POGZ: variants seen among roughly 807,000 people sequenced by gnomAD.
The protein encoded by POGZ is pogo transposable element derived with ZNF domain.
POGZ carries 17 observed loss-of-function variants against 134.6 expected under a neutral mutation model. That is an observed-to-expected ratio of 0.13 (90% CI 0.09 to 0.19). POGZ has a LOEUF of 0.19. Among genes scored for constraint, POGZ ranks in the 10% least tolerant of loss-of-function variants. POGZ has a pLI of 1.00. For missense variants in POGZ, 1,306 were observed against 1,769.7 expected, an observed-to-expected ratio of 0.74 and a Z score of 4.70; for synonymous variants, 693 against 657.1, an observed-to-expected ratio of 1.05 and a Z score of -0.84.
At position 151,403,618 on chromosome 1, in the gene POGZ, AAAAT is replaced by A. The variant is rs1315693223; in HGVS notation, c.*1180_*1183del. The A allele has an allele frequency of 6.8e-5, 67 of 985,698 alleles. No homozygotes were observed. The highest frequency in any genetic ancestry group is 8.1e-5 in the Non-Finnish European group (67 of 829,868). 61.1% of individuals were successfully genotyped at this position (985,698 alleles called of 1,614,324 possible). A position where few individuals can be genotyped will look rare whatever the true frequency, so the allele number is the denominator to read the frequency against. ...TTTCTTTCCTTGAAGCTGGCAGTGA[AAAAT>A]AAAGATTCATGTCATTTTCTTTGTG... On this transcript the variant is annotated 3_prime_UTR_variant, in exon 19 of 19. Transcript: ENST00000271715.
chr1:151,409,385 C>CT (rs910742172), intron 12 of POGZ, among the ~76,000 whole-genome samples: 13 of 101,252 alleles, frequency 1.3e-4, no homozygotes, highest in Admixed American at 1.2e-3. Context: ...GCCTCGCCCC[C>CT]TTTTTTTGAG....
chr1:151,405,147 G>A lies in POGZ; in HGVS notation c.3888C>T (p.Val1296=). The change falls in exon 19 of 19, where the codon GTC becomes GTT. Residue 1296 remains valine, a synonymous_variant. Coordinates refer to ENST00000271715, the MANE Select transcript of POGZ (RefSeq NM_015100.4). This position sits in a 1 kb window ranked among gnomAD's most constrained non-coding sequence, Gnocchi z 4.9. ...GCCAGACAAGCACCAGCTGAAGCAG[G>A]ACATCAGAATCACATGCAGTATCTG... ...EMADTACDSD[V]LLQLVLVWLG... is the part of the protein sequence containing the mutation. 1.9e-6 allele frequency: 3 copies of A among 1,614,204 alleles called. No individual in the cohort carries two copies. The highest frequency in any genetic ancestry group is 2.2e-5 in the South Asian group (2 of 91,080).
At chr1:151,440,899 G>A (rs978643755) in intron 3 of POGZ, 29 bp downstream of exon 3, 12 of 1,598,466 alleles carry the variant, frequency 7.5e-6, no homozygotes, top group Non-Finnish European at 4.3e-6. Flanking sequence ...TCTAGCCCAG[G>A]ATTATTATTT....
At chr1:151,451,998 G>A (rs1245813367) in intron 1 of POGZ, among the ~76,000 whole-genome samples, 1 of 149,824 alleles carries the variant, frequency 6.7e-6, no homozygotes, top group African/African-American at 2.5e-5. Flanking sequence ...TCAGGAGGCT[G>A]AGACAGGAGA....
intron 1 of POGZ, among the ~76,000 whole-genome samples, chr1:151,446,726 A>G (rs1661325413): frequency 7.4e-6 from 1 of 135,232 alleles, no homozygotes. Context: ...ACTGCACTCT[A>G]GCCTGGGCGA....
Position 151,411,498 on chromosome 1 carries a change from A to T in POGZ, c.1926+127T>A, listed in dbSNP as rs75103638. Reference sequence around the variant, plus strand: ...ATGGCACATTAAGTGAATTCAATAAATTTCTGCAAACATATGCATATTATA... The same window carrying T: ...ATGGCACATTAAGTGAATTCAATAATTTTCTGCAAACATATGCATATTATA... On this transcript the variant is annotated intron_variant, in intron 12 of 18. Transcript: ENST00000271715. The T allele has an allele frequency of 2.4e-3, 1,523 of 626,492 alleles. 18 individuals are homozygous for T. The African/African-American group carries it at 0.025, about 10-fold the overall frequency. 38.8% of individuals were successfully genotyped at this position (626,492 alleles called of 1,614,324 possible).
At chr1:151,429,346 A>C (rs771372081) in intron 5 of POGZ, 31 of 247,800 alleles carry the variant, frequency 1.3e-4, no homozygotes, top group Non-Finnish European at 2.2e-4. Context: ...ACTAAATACC[A>C]GTTACAGAAA....
chr1:151,419,581 A>G (rs192063524), intron 10 of POGZ, among the ~76,000 whole-genome samples: 1 of 146,392 alleles, frequency 6.8e-6, no homozygotes, highest in East Asian at 2.0e-4. Flanking sequence ...AGTTGGGAGG[A>G]TCATCTTAGC....
chr1:151,453,586 T>C (rs999882871), intron 1 of POGZ, among the ~76,000 whole-genome samples: 3 of 152,222 alleles, frequency 2.0e-5, no homozygotes, highest in Non-Finnish European at 4.4e-5. Context: ...TTATTTGACA[T>C]CTTGGTAACC....
chr1:151,436,196 G>A (rs1349389517), intron 3 of POGZ, among the ~76,000 whole-genome samples: 1 of 152,056 alleles, frequency 6.6e-6, no homozygotes, highest in Non-Finnish European at 1.5e-5. Context: ...GACCTCAGGT[G>A]ATCCGCCTGC....
At position 151,421,362 on chromosome 1, in the gene POGZ, T is replaced by A. The variant is rs561235079; in HGVS notation, c.1678+2035A>T. Among the ~76,000 whole-genome samples the A allele has an allele frequency of 8.7e-5, 12 of 137,200 alleles. No individual in the cohort carries two copies. In the East Asian group the frequency reaches 2.5e-3, roughly 29 times the overall value. The allele number at this position is 137,200 out of a possible 152,430, so 90.0% of individuals were successfully genotyped here. On this transcript the variant is annotated intron_variant, in intron 10 of 18. Transcript: ENST00000271715. The stretch of plus-strand genomic sequence containing the variant: ...AATTCTCACTCATAAGAAAACAGAT[T>A]CAAGAAAGAAAAATTGAGGATAAGG...
At chr1:151,429,544 A>G in intron 5 of POGZ, 59 bp downstream of exon 5, 1 of 845,302 alleles carries the variant, frequency 1.2e-6, no homozygotes, top group Non-Finnish European at 2.0e-6. Context: ...TATTTAGAAC[A>G]ATAAAAACAA....
rs1477122463 is a variant in POGZ at position 151,408,145 on chromosome 1, C to G, written c.2330G>C (p.Arg777Pro). The G allele has an allele frequency of 6.2e-7, 1 of 1,612,886 alleles. No homozygotes were observed. The highest frequency in any genetic ancestry group is 2.2e-5 in the East Asian group (1 of 44,864). The change falls in exon 15 of 19, where the codon CGC (arginine) becomes CCC (proline). Residue 777 changes from arginine to proline, a missense_variant. Physicochemically the swap from Arg to Pro is moderately radical, Grantham distance 103. Coordinates refer to ENST00000271715, the MANE Select transcript of POGZ (RefSeq NM_015100.4). ...FPTYVHCSLC[R>P]YSTCCSRAYA... The stretch of plus-strand genomic sequence containing the variant: ...AGCTCGAGAACAGCAGGTGCTATAG[C>G]GACACAGAGAGCAGTGTACGTAAGT...
chr1:151,429,005 C>T (rs1306297430), intron 5 of POGZ, among the ~76,000 whole-genome samples: 1 of 151,898 alleles, frequency 6.6e-6, no homozygotes, highest in Non-Finnish European at 1.5e-5. Context: ...ACAGAGGTAC[C>T]CTTACAAATA....
intron 17 of POGZ, 48 bp downstream of exon 17, chr1:151,406,863 A>G (rs779052972): frequency 9.9e-6 from 14 of 1,417,150 alleles, no homozygotes; most frequent in Non-Finnish European, 1.4e-5. Context: ...ACGAACCTGT[A>G]TCTTTTTTCC....
In POGZ at chr1:151,403,270, A is replaced by G. The variant is rs988978188; in HGVS notation, c.*1532T>C. On this transcript the variant is annotated 3_prime_UTR_variant, in exon 19 of 19. Coordinates refer to ENST00000271715, the MANE Select transcript of POGZ (RefSeq NM_015100.4). ...GGGTGGTAACAAATGTCACACCTGT[A>G]CCACCAGGCCCATCACATCTTGAGC... The G allele has an allele frequency of 3.3e-5, 33 of 985,694 alleles. No individual in the cohort carries two copies. Among genetic ancestry groups the G allele is most frequent in the Admixed American group, 6.1e-5 (1 of 16,266 alleles). 61.1% of individuals were successfully genotyped at this position (985,694 alleles called of 1,614,324 possible). A position where few individuals can be genotyped will look rare whatever the true frequency, so the allele number is the denominator to read the frequency against.
In POGZ at chr1:151,433,280, AG is replaced by A. The variant is rs371095809; in HGVS notation, c.284-2440del. Among the ~76,000 whole-genome samples, 23 of 152,318 alleles carry A rather than the reference AG, an allele frequency of 1.5e-4. No homozygotes were observed. In the East Asian group the frequency reaches 4.1e-3, roughly 27 times the overall value. On this transcript the variant is annotated intron_variant, in intron 3 of 18. Coordinates refer to ENST00000271715, the MANE Select transcript of POGZ (RefSeq NM_015100.4). ...TTCTGCAAATATTTTCTCTTATATCAGGGTCAAGTTTAAATTTTGGTGGATT... is the reference window on the plus strand; with the variant it reads ...TTCTGCAAATATTTTCTCTTATATCAGGTCAAGTTTAAATTTTGGTGGATT...
chr1:151,428,471 C>CT, intron 5 of POGZ, 58 bp from the exon 6 acceptor site: 1 of 1,433,346 alleles, frequency 7.0e-7, no homozygotes, highest in Non-Finnish European at 9.8e-7. Context: ...ATAACACATT[C>CT]TCCCTGCCTT....
chr1:151,443,607 G>C (rs1046481100), intron 1 of POGZ, among the ~76,000 whole-genome samples: 2 of 152,118 alleles, frequency 1.3e-5, no homozygotes, highest in Non-Finnish European at 2.9e-5. Context: ...CCGGCTACTC[G>C]GGAGGCTGAG....
Sources: allele counts gnomAD v4.1 joint callset (sites outside exome capture counted in the v4.1 genomes callset), GRCh38; gene constraint gnomAD v4.1.1; non-coding constraint Gnocchi (gnomAD v3.1); transcripts MANE v1.5; gene names NCBI Gene and HGNC (gene_info 2026-07-23, HGNC 2026-07-21).